Variants in GAB1 observed in about 807,000 individuals in gnomAD.
GAB1 encodes GRB2 associated binding protein 1.
In GAB1, 19 loss-of-function variants were observed where a neutral mutation model predicts 66.5. The observed-to-expected ratio is 0.29, with a 90% CI of 0.20 to 0.42. GAB1 has a LOEUF of 0.42. Ranked by LOEUF, GAB1 falls within the 10% of genes least tolerant of loss-of-function variation. The pLI, the probability that GAB1 is intolerant of heterozygous loss-of-function variation, is 1.00. For synonymous variants in GAB1, 294 were observed against 301.4 expected, an observed-to-expected ratio of 0.98 and a Z score of 0.25; for missense variants, 732 against 858.5, an observed-to-expected ratio of 0.85 and a Z score of 1.84.
At chr4:143,452,394 C>T (rs973470387) in intron 6 of GAB1, among the ~76,000 whole-genome samples, 4 of 152,138 alleles carry the variant, frequency 2.6e-5, no homozygotes, top group Non-Finnish European at 4.4e-5. Flanking sequence ...ATATGCTGCA[C>T]GCTCTTCTAG....
At chr4:143,425,934 G>C (rs1733327395) in intron 2 of GAB1, 1 of 1,052,126 alleles carries the variant, frequency 9.5e-7, no homozygotes, top group South Asian at 1.3e-5. Flanking sequence ...GTCTTAAGCT[G>C]TTCTTGCACG....
chr4:143,377,766 T>C (rs1274001526), intron 1 of GAB1, among the ~76,000 whole-genome samples: 1 of 152,196 alleles, frequency 6.6e-6, no homozygotes, highest in Non-Finnish European at 1.5e-5. Flanking sequence ...TATACAGAAA[T>C]ACTTAGCTTT....
intron 1 of GAB1, among the ~76,000 whole-genome samples, chr4:143,367,731 T>TG (rs941183562): frequency 2.7e-5 from 4 of 146,502 alleles, no homozygotes; most frequent in African/African-American, 1.0e-4. Context: ...TTTTTTTTTT[T>TG]TTTTTTTTTT....
At chr4:143,387,241 C>T (rs1578636941) in intron 1 of GAB1, among the ~76,000 whole-genome samples, 1 of 152,192 alleles carries the variant, frequency 6.6e-6, no homozygotes, top group African/African-American at 2.4e-5. Flanking sequence ...AAGCAATTCT[C>T]CTGCCTCAGC....
At chr4:143,424,586 C>T (rs1366355541) in intron 2 of GAB1, among the ~76,000 whole-genome samples, 3 of 152,120 alleles carry the variant, frequency 2.0e-5, no homozygotes, top group African/African-American at 7.2e-5. Context: ...ACAAGAGGTA[C>T]TTATGAGCAT....
chr4:143,390,033 T>C (rs908245540), intron 1 of GAB1, among the ~76,000 whole-genome samples: 1 of 152,190 alleles, frequency 6.6e-6, no homozygotes, highest in Non-Finnish European at 1.5e-5. Context: ...CACAGGCTCT[T>C]TCATAATAAA....
chr4:143,456,174 G>C (rs936087853), intron 6 of GAB1, among the ~76,000 whole-genome samples: 2 of 151,982 alleles, frequency 1.3e-5, no homozygotes, highest in African/African-American at 4.8e-5. Flanking sequence ...AGTTGTCATC[G>C]TAGCCGGGCG....
chr4:143,452,654 T>C (rs1734985309), intron 6 of GAB1, among the ~76,000 whole-genome samples: 1 of 152,230 alleles, frequency 6.6e-6, no homozygotes, highest in Non-Finnish European at 1.5e-5. Flanking sequence ...TTAGATCATC[T>C]CTAATCGTAC....
chr4:143,387,858 C>T (rs1730991297), intron 1 of GAB1, among the ~76,000 whole-genome samples: 1 of 152,182 alleles, frequency 6.6e-6, no homozygotes, highest in African/African-American at 2.4e-5. Flanking sequence ...TCTTCCTTCA[C>T]AGTCTTACAC....
intron 2 of GAB1, among the ~76,000 whole-genome samples, chr4:143,426,728 T>G (rs372693652): frequency 6.6e-6 from 1 of 152,198 alleles, no homozygotes; most frequent in Admixed American, 6.5e-5. Flanking sequence ...ATTAATACAT[T>G]ATTATTCAGG....
At chr4:143,350,003 C>A (rs962610109) in intron 1 of GAB1, 3 of 1,575,324 alleles carry the variant, frequency 1.9e-6, no homozygotes, top group South Asian at 2.3e-5. Context: ...GCCTTGCCTC[C>A]GCGACCCCGG....
In GAB1 at chr4:143,466,123, T is replaced by C. The variant is rs1387807076; in HGVS notation, c.1824T>C (p.Ser608=). The C allele has an allele frequency of 3.1e-6, 5 of 1,613,648 alleles. No individual in the cohort carries two copies. Among genetic ancestry groups the C allele is most frequent in the East Asian group, 2.2e-5 (1 of 44,854 alleles). The change falls in exon 9 of 10, where the codon AGT becomes AGC. Residue 608 remains serine, a synonymous_variant. Coordinates refer to ENST00000262994, the MANE Select transcript of GAB1 (RefSeq NM_002039.4). ...SEDPNLFGSN[S]LDGGSSPMIK... is the part of the protein sequence containing the mutation. ...TTCAGAATCTCTTTGGCAGTAACAG[T>C]CTTGATGGAGGAAGCAGCCCTATGA...
At chr4:143,449,886 C>T (rs555583539) in intron 6 of GAB1, among the ~76,000 whole-genome samples, 3 of 151,940 alleles carry the variant, frequency 2.0e-5, no homozygotes, top group South Asian at 2.1e-4. Flanking sequence ...TTCCTAGTCT[C>T]GGTGGTGTTT....
chr4:143,469,329 C>A lies in GAB1; in HGVS notation c.*140C>A. ...AGTCAAAGGACCTTTCTGACATAATCAAGCAATTTAGACTTAAGTGGTGCT... is the reference window on the plus strand; with the variant it reads ...AGTCAAAGGACCTTTCTGACATAATAAAGCAATTTAGACTTAAGTGGTGCT... On this transcript the variant is annotated 3_prime_UTR_variant, in exon 10 of 10. Coordinates refer to ENST00000262994, the MANE Select transcript of GAB1 (RefSeq NM_002039.4). 1.2e-6 allele frequency: 1 copy of A among 827,738 alleles called. No individual in the cohort carries two copies. The allele number at this position is 827,738 out of a possible 1,614,324, so 51.3% of individuals were successfully genotyped here. A position where few individuals can be genotyped will look rare whatever the true frequency, so the allele number is the denominator to read the frequency against.
rs762951517 is a variant in GAB1, at chr4:143,466,150, C to G, written c.1851C>G (p.Ile617Met). 1.9e-6 allele frequency: 3 copies of G among 1,613,846 alleles called. No individual in the cohort carries two copies. Among genetic ancestry groups the G allele is most frequent in the East Asian group, 4.5e-5 (2 of 44,842 alleles). Residue 617 changes from isoleucine to methionine, a missense_variant, in exon 9 of 10, where the codon ATC becomes ATG. This residue lies in a region of GAB1 where 204 missense variants were observed against 276.8 expected (regional missense o/e 0.74). Coordinates refer to ENST00000262994, the MANE Select transcript of GAB1 (RefSeq NM_002039.4). ...TTGATGGAGGAAGCAGCCCTATGAT[C>G]AAGCCCAAAGGAGACAAACAGGTGG... ...NSLDGGSSPM[I>M]KPKGDKQVEY...
intron 2 of GAB1, among the ~76,000 whole-genome samples, chr4:143,426,759 T>C (rs141060260): frequency 6.6e-6 from 1 of 152,334 alleles, no homozygotes; most frequent in East Asian, 1.9e-4. Context: ...AGGATATGAC[T>C]TCTTAGGCCC....
At chr4:143,402,266 G>A (rs1290727508) in intron 1 of GAB1, among the ~76,000 whole-genome samples, 1 of 152,154 alleles carries the variant, frequency 6.6e-6, no homozygotes, top group Non-Finnish European at 1.5e-5. Flanking sequence ...GGCGATCCAG[G>A]TTGATTGAAG....
intron 6 of GAB1, among the ~76,000 whole-genome samples, chr4:143,453,744 T>C (rs984751812): frequency 3.3e-5 from 5 of 152,160 alleles, no homozygotes; most frequent in African/African-American, 1.2e-4. Flanking sequence ...ACTAAGAACA[T>C]GAACCCTCTC....
intron 1 of GAB1, among the ~76,000 whole-genome samples, chr4:143,404,891 G>A (rs191117606): frequency 7.9e-4 from 120 of 152,322 alleles, no homozygotes; most frequent in African/African-American, 2.8e-3. Context: ...GTTGGCTAAT[G>A]GATCCTGTGA....
Sources: gnomAD v4.1 joint callset for allele counts (sites outside exome capture counted in the v4.1 genomes callset) on GRCh38, gnomAD v4.1.1 for gene constraint, gnomAD v4.1.1 regional missense constraint, MANE v1.5 for transcripts, NCBI Gene and HGNC (gene_info 2026-07-23, HGNC 2026-07-21) for gene names.